Variants in DNAH17 observed in about 807,000 individuals in gnomAD.
The protein encoded by DNAH17 is axonemal beta dynein heavy chain 17.
In DNAH17, 376 loss-of-function variants were observed where a neutral mutation model predicts 485.6. The ratio of observed to expected loss-of-function variants is 0.77; its 90% CI spans 0.71 to 0.84. The LOEUF is 0.84. Ranked by LOEUF, DNAH17 falls within the 40% of genes least tolerant of loss-of-function variation. The pLI, the probability that DNAH17 is intolerant of heterozygous loss-of-function variation, is 0.00. For synonymous variants in DNAH17, 3,031 were observed against 2,405.9 expected (o/e 1.26, Z -7.60); for missense variants, 6,370 against 5,839.3 (o/e 1.09, Z -2.96).
chr17:78,470,069 CTTTTTTTT>C (rs34298026), intron 54 of DNAH17, among the ~76,000 whole-genome samples: 2 of 93,366 alleles, frequency 2.1e-5, no homozygotes, highest in African/African-American at 4.4e-5. Context: ...ATGTCTTACT[CTTTTTTTT>C]TTTTTTTTTT....
At chr17:78,508,850 G>A (rs2090559061) in intron 27 of DNAH17, among the ~76,000 whole-genome samples, 1 of 152,012 alleles carries the variant, frequency 6.6e-6, no homozygotes, top group African/African-American at 2.4e-5. Flanking sequence ...AGCCCAGGCT[G>A]GAGTGCAGCA....
intron 26 of DNAH17, among the ~76,000 whole-genome samples, chr17:78,513,168 G>T (rs1241588562): frequency 6.6e-6 from 1 of 151,990 alleles, no homozygotes; most frequent in East Asian, 1.9e-4. Flanking sequence ...ACGGGAAGGA[G>T]GCTGGGGGAC....
At chr17:78,429,808 A>G (rs992548652) in intron 75 of DNAH17, among the ~76,000 whole-genome samples, 6 of 152,284 alleles carry the variant, frequency 3.9e-5, no homozygotes, top group South Asian at 2.1e-4. Context: ...GTCGTTAGTC[A>G]TGTCTTCAGA....
Position 78,461,585 on chromosome 17 carries a change from T to C in DNAH17, c.9298A>G (p.Ile3100Val), listed in dbSNP as rs374418972. Residue 3100 changes from isoleucine to valine, a missense_variant, in exon 58 of 81, where the codon ATT (isoleucine) becomes GTT (valine). Ile to Val is a conservative substitution (Grantham distance 29, BLOSUM62 3). Transcript: ENST00000389840. ...ACCTTGACTTCTTCCTGGTCAGCAA[T>C]GGCCTTCTCTTTGCTGACCTTCTCG... ...EAEKVSKEKA[I>V]ADQEEVKVEV... The C allele has an allele frequency of 4.4e-6, 7 of 1,605,310 alleles. No homozygotes were observed. The highest frequency in any genetic ancestry group is 2.2e-5 in the South Asian group (2 of 89,346).
At chr17:78,433,956 G>A (rs1428699381) in intron 75 of DNAH17, 73 bp downstream of exon 75, 8 of 1,286,374 alleles carry the variant, frequency 6.2e-6, no homozygotes, top group Non-Finnish European at 7.5e-6. Flanking sequence ...AGGGAAGGAG[G>A]GAGGGAAGGA....
chr17:78,454,324 T>C lies in DNAH17; in HGVS notation c.10406+146A>G, dbSNP rs566354816. On this transcript the variant is annotated intron_variant, in intron 64 of 80. Coordinates refer to ENST00000389840, the MANE Select transcript of DNAH17 (RefSeq NM_173628.4). Reference sequence around the variant, plus strand: ...AGCTCCTCATTTCATTCTTTACTACTGCTGCTGTTCCCCAGGCCAGATTTA... The same window carrying C: ...AGCTCCTCATTTCATTCTTTACTACCGCTGCTGTTCCCCAGGCCAGATTTA... 3.7e-5 allele frequency: 23 copies of C among 629,690 alleles called. No homozygotes were observed. The East Asian group carries it at 6.3e-4, about 17-fold the overall frequency. 39.0% of individuals were successfully genotyped at this position (629,690 alleles called of 1,614,324 possible). A position where few individuals can be genotyped will look rare whatever the true frequency, so the allele number is the denominator to read the frequency against.
rs777012145 is a variant in DNAH17, at chr17:78,572,928, G to C, written c.346-34C>G. The C allele has an allele frequency of 2.5e-6, 4 of 1,594,158 alleles. No individual in the cohort carries two copies. In the South Asian group the frequency reaches 4.5e-5, roughly 18 times the overall value. The stretch of plus-strand genomic sequence containing the variant: ...AAACACTTCTGTGGTTCCGCCCCCT[G>C]TGCCTTCACCAGCTCGGCAACCGCA... On this transcript the variant is annotated intron_variant, in intron 2 of 80. Coordinates refer to ENST00000389840, the MANE Select transcript of DNAH17 (RefSeq NM_173628.4).
chr17:78,478,609 C>T (rs924784664), intron 51 of DNAH17, among the ~76,000 whole-genome samples: 1 of 128,640 alleles, frequency 7.8e-6, no homozygotes, highest in Admixed American at 7.1e-5. Flanking sequence ...TCACCACCAC[C>T]GTCATCACCC....
chr17:78,459,921 G>A lies in DNAH17; in HGVS notation c.9516C>T (p.Thr3172=), dbSNP rs148628147. The change falls in exon 60 of 81, where the codon ACC becomes ACT. Residue 3172 remains threonine, a synonymous_variant. Transcript: ENST00000389840. ...VNVTAAVMIL[T]APGGKIPKDK... ...CCTTGGGGATCTTGCCCCCAGGTGC[G>A]GTCAGAATCATGACGGCGGCGGTGA... is the stretch of plus-strand genomic sequence containing the variant. 81 of 1,613,880 alleles carry A rather than the reference G, an allele frequency of 5.0e-5. No individual in the cohort carries two copies. Among genetic ancestry groups the A allele is most frequent in the South Asian group, 7.7e-5 (7 of 91,082 alleles).
intron 19 of DNAH17, among the ~76,000 whole-genome samples, 169 bp downstream of exon 19, chr17:78,537,130 A>T (rs2091397208): frequency 6.6e-6 from 1 of 151,210 alleles, no homozygotes; most frequent in Non-Finnish European, 1.5e-5. Flanking sequence ...GTGAGCCAAG[A>T]TCGCGCCACT....
In DNAH17 at chr17:78,561,813, G is replaced by A. The variant is rs1425586005; in HGVS notation, c.1737C>T (p.His579=). The A allele has an allele frequency of 1.2e-6, 2 of 1,613,886 alleles. No homozygotes were observed. The highest frequency in any genetic ancestry group is 1.7e-6 in the Non-Finnish European group (2 of 1,179,850). The stretch of plus-strand genomic sequence containing the variant: ...GCCCGGCCACGGGAGGCATGTTTTT[G>A]TGGATCAGGGGGATGTTCCCCTCCT... ...ASEEGNIPLI[H]KNMPPVAGQL... Residue 579 remains histidine (H), a synonymous_variant, in exon 12 of 81, where the codon CAC becomes CAT. Transcript: ENST00000389840.
intron 14 of DNAH17, among the ~76,000 whole-genome samples, chr17:78,554,391 C>T (rs1186316242): frequency 6.3e-5 from 8 of 127,130 alleles, no homozygotes; most frequent in Non-Finnish European, 1.1e-4. Flanking sequence ...GAGCCAAGAT[C>T]GCACCACTGC....
chr17:78,557,665 T>TAAAAAAAAAAAA (rs2092056440), intron 14 of DNAH17, among the ~76,000 whole-genome samples: 3 of 88,604 alleles, frequency 3.4e-5, no homozygotes, highest in South Asian at 4.1e-4. Context: ...AAAAAAAAAG[T>TAAAAAAAAAAAA]AACGTAAGCC....
intron 62 of DNAH17, among the ~76,000 whole-genome samples, chr17:78,456,574 T>C (rs1383088107): frequency 6.6e-6 from 1 of 152,126 alleles, no homozygotes; most frequent in Non-Finnish European, 1.5e-5. Context: ...TGGCCCTGCA[T>C]GGAATGGGGA....
chr17:78,551,880 T>A (rs2091909917), intron 15 of DNAH17, among the ~76,000 whole-genome samples: 1 of 151,868 alleles, frequency 6.6e-6, no homozygotes, highest in African/African-American at 2.4e-5. Flanking sequence ...GTAGAATAGC[T>A]TGAACCCGGG....
Position 78,522,630 on chromosome 17 carries a change from C to T in DNAH17, c.3864+2379G>A, listed in dbSNP as rs1266300796. ...CCCACGCCGACTTCACCCATGAGTG[C>T]CCAGGCCAGAGCTGCTGGCCGGCTG... On this transcript the variant is annotated intron_variant, in intron 25 of 80. Coordinates refer to ENST00000389840, the MANE Select transcript of DNAH17 (RefSeq NM_173628.4). 1.6e-5 allele frequency: 4 copies of T among 244,418 alleles called. No homozygotes were observed. In the East Asian group the frequency reaches 4.8e-4, roughly 29 times the overall value. 15.1% of individuals were successfully genotyped at this position (244,418 alleles called of 1,614,324 possible). A position where few individuals can be genotyped will look rare whatever the true frequency, so the allele number is the denominator to read the frequency against.
At chr17:78,481,884 A>G (rs190400768) in intron 48 of DNAH17, among the ~76,000 whole-genome samples, 1 of 152,068 alleles carries the variant, frequency 6.6e-6, no homozygotes, top group East Asian at 1.9e-4. Flanking sequence ...GCATGGTGGC[A>G]GGCACCTGTA....
chr17:78,562,389 G>GCCT lies in DNAH17; in HGVS notation c.1570-412_1570-410dup, dbSNP rs200149516. Among the ~76,000 whole-genome samples the GCCT allele has an allele frequency of 9.9e-3, 1,503 of 152,238 alleles. 24 individuals carry two copies. Among genetic ancestry groups the GCCT allele is most frequent in the African/African-American group, 0.035 (1,438 of 41,516 alleles). ...ACTTGAGCCCAGGAGTTTGAGACCAGCCTGGGCAACACAGCAAAATCCTGT... is the reference window on the plus strand; with the variant it reads ...ACTTGAGCCCAGGAGTTTGAGACCAGCCTCCTGGGCAACACAGCAAAATCCTGT... On this transcript the variant is annotated intron_variant, in intron 11 of 80. Coordinates refer to ENST00000389840, the MANE Select transcript of DNAH17 (RefSeq NM_173628.4).
At position 78,514,829 on chromosome 17, in the gene DNAH17, A is replaced by C; in HGVS notation, c.4058T>G (p.Leu1353Arg). The part of the protein sequence containing the change: ...VITSLRAVSE[L>R]QNPAIRERHW... ...GCGTTCCCGAATGGCAGGGTTCTGCAGCTCGCTCACGGCACGCAGGGACGT... is the reference window on the plus strand; with the variant it reads ...GCGTTCCCGAATGGCAGGGTTCTGCCGCTCGCTCACGGCACGCAGGGACGT... Residue 1353 changes from leucine (L) to arginine (R), a missense_variant, in exon 26 of 81, where the codon CTG (leucine) becomes CGG (arginine). Transcript: ENST00000389840. 6.2e-7 allele frequency: 1 copy of C among 1,614,020 alleles called. No individual in the cohort carries two copies. The highest frequency in any genetic ancestry group is 8.5e-7 in the Non-Finnish European group (1 of 1,179,886).
Sources: allele counts gnomAD v4.1 joint callset (sites outside exome capture counted in the v4.1 genomes callset), GRCh38; gene constraint gnomAD v4.1.1; transcripts MANE v1.5; gene names NCBI Gene and HGNC (gene_info 2026-07-23, HGNC 2026-07-21).